Variants in KAZN observed in about 807,000 individuals in gnomAD.
KAZN encodes kazrin.
In KAZN, 40 loss-of-function variants were observed where a neutral mutation model predicts 87.4. That is an observed-to-expected ratio of 0.46 (90% CI 0.36 to 0.60). The LOEUF (loss-of-function observed/expected upper bound fraction) is 0.60, where lower values mean the gene tolerates loss of function less well. KAZN is among the 20% of genes least tolerant of loss of function. The probability of loss-of-function intolerance (pLI) is 0.00; values close to 1 mark genes in which losing one functional copy is unlikely to be tolerated. For synonymous variants in KAZN, 466 were observed against 458.3 expected (o/e 1.02, Z -0.22); for missense variants, 898 against 1,073.9 (o/e 0.84, Z 2.29).
intron 1 of KAZN, among the ~76,000 whole-genome samples, chr1:14,082,117 C>T (rs1004550078): frequency 6.6e-6 from 1 of 152,082 alleles, no homozygotes. Context: ...GCTGCCTGGC[C>T]ACCAAACGTT....
rs117406261 is a variant in KAZN at position 14,589,177 on chromosome 1, T to A, written c.250-9806T>A. ...AGTACCTACCATCTTGCTACCAAGATGGCTGAGGATATGATCAAAAGCAAA... is the reference window on the plus strand; with the variant it reads ...AGTACCTACCATCTTGCTACCAAGAAGGCTGAGGATATGATCAAAAGCAAA... On this transcript the variant is annotated intron_variant, in intron 2 of 16. Coordinates refer to the KAZN transcript ENST00000636203. Among the ~76,000 whole-genome samples, 447 of 152,322 alleles carry A rather than the reference T, an allele frequency of 2.9e-3. 20 individuals carry two copies. The East Asian group carries it at 0.069, about 23-fold the overall frequency.
intron 1 of KAZN, among the ~76,000 whole-genome samples, chr1:14,180,064 G>A (rs761950764): frequency 9.9e-5 from 15 of 152,104 alleles, no homozygotes; most frequent in Non-Finnish European, 1.9e-4. Context: ...CTCATGCCCC[G>A]TTAATTTCTG....
intron 2 of KAZN, among the ~76,000 whole-genome samples, chr1:14,562,964 G>A (rs1184480433): frequency 2.6e-5 from 4 of 152,220 alleles, no homozygotes; most frequent in African/African-American, 7.2e-5. Flanking sequence ...GGAAGACAGC[G>A]TTGTGGATCA....
intron 1 of KAZN, among the ~76,000 whole-genome samples, chr1:14,674,178 C>T (rs1572192307): frequency 6.6e-6 from 1 of 152,196 alleles, no homozygotes; most frequent in Non-Finnish European, 1.5e-5. Flanking sequence ...TTATTTCTGA[C>T]TCTGATCTTC....
intron 1 of KAZN, among the ~76,000 whole-genome samples, chr1:14,761,737 A>C (rs1226533791): frequency 6.6e-6 from 1 of 152,114 alleles, no homozygotes; most frequent in African/African-American, 2.4e-5. Flanking sequence ...AGCAACCCTC[A>C]CTTTTCTTTT....
chr1:13,949,799 A>G (rs1379837565), intron 1 of KAZN, among the ~76,000 whole-genome samples: 2 of 152,176 alleles, frequency 1.3e-5, no homozygotes, highest in African/African-American at 4.8e-5. Flanking sequence ...CAGACCCCAA[A>G]GCCCCATTCT....
At chr1:14,253,398 G>C (rs1265099538) in intron 2 of KAZN, among the ~76,000 whole-genome samples, 1 of 152,196 alleles carries the variant, frequency 6.6e-6, no homozygotes, top group Non-Finnish European at 1.5e-5. Flanking sequence ...ACAGTGAAGT[G>C]TTCATCACAT....
chr1:14,164,174 C>G (rs1365844757), intron 1 of KAZN, among the ~76,000 whole-genome samples: 1 of 152,170 alleles, frequency 6.6e-6, no homozygotes, highest in Non-Finnish European at 1.5e-5. Context: ...CCTTTATTAT[C>G]TTTTAGTTTC....
At chr1:14,987,751 C>T (rs1221802362) in intron 2 of KAZN, among the ~76,000 whole-genome samples, 3 of 152,146 alleles carry the variant, frequency 2.0e-5, no homozygotes, top group Admixed American at 6.5e-5. Context: ...TTGTGATCCA[C>T]GTGGAAGGAT....
At chr1:14,175,634 G>T (rs957822247) in intron 1 of KAZN, among the ~76,000 whole-genome samples, 8 of 152,210 alleles carry the variant, frequency 5.3e-5, no homozygotes, top group Admixed American at 2.6e-4. Flanking sequence ...AGTTGTAATA[G>T]ATGCAGTTTG....
At chr1:14,626,987 G>A (rs1319217137) in intron 1 of KAZN, among the ~76,000 whole-genome samples, 4 of 151,970 alleles carry the variant, frequency 2.6e-5, no homozygotes, top group South Asian at 2.1e-4. Flanking sequence ...CAGGACACTC[G>A]GTAAATATTT....
chr1:13,913,855 A>C (rs12122426), intron 1 of KAZN, among the ~76,000 whole-genome samples: 30,571 of 152,138 alleles, frequency 0.2, 3,440 homozygotes, highest in Non-Finnish European at 0.26. Flanking sequence ...AACAAGGATC[A>C]CCAGAGTTCC....
At chr1:14,193,301 CTT>C (rs1335831448) in intron 2 of KAZN, among the ~76,000 whole-genome samples, 5 of 152,034 alleles carry the variant, frequency 3.3e-5, no homozygotes, top group Non-Finnish European at 7.4e-5. Context: ...ACACTGGTGT[CTT>C]TATAAAAAGG....
At chr1:15,068,194 T>A in intron 8 of KAZN, 1 of 647,256 alleles carries the variant, frequency 1.5e-6, no homozygotes, top group Non-Finnish European at 1.9e-6. Context: ...TGGCTCCGGG[T>A]GGGAGGCTCT....
chr1:14,405,606 A>ATGTGTGTGTGTGTGTG (rs111850452), intron 2 of KAZN, among the ~76,000 whole-genome samples: 32 of 136,326 alleles, frequency 2.3e-4, no homozygotes, highest in East Asian at 6.9e-4. Context: ...ACCCAATAAA[A>ATGTGTGTGTGTGTGTG]TGTGTGTGTG....
At chr1:14,622,928 T>TTAA (rs1434417144) in intron 1 of KAZN, among the ~76,000 whole-genome samples, 1 of 149,808 alleles carries the variant, frequency 6.7e-6, no homozygotes, top group African/African-American at 2.5e-5. Flanking sequence ...GTTCTTAATT[T>TTAA]TTTTTTTTTT....
At chr1:14,006,183 T>C (rs1011544016) in intron 1 of KAZN, among the ~76,000 whole-genome samples, 2 of 152,216 alleles carry the variant, frequency 1.3e-5, no homozygotes, top group Non-Finnish European at 2.9e-5. Context: ...TATTTTTGCT[T>C]TGTTGCCTGT....
rs570282059 is a variant in KAZN at position 14,802,471 on chromosome 1, G to A, written c.227-158213G>A. On this transcript the variant is annotated intron_variant, in intron 1 of 14. Transcript: ENST00000376030. ...GGGACACTGGGCAATACCTGGAGAT[G>A]TGTCTGGTTGGCACAACTGGTATGG... is the stretch of plus-strand genomic sequence containing the variant. Among the ~76,000 whole-genome samples the A allele has an allele frequency of 1.4e-4, 21 of 151,912 alleles. No homozygotes were observed. In the South Asian group the frequency reaches 4.4e-3, roughly 32 times the overall value.
chr1:13,992,421 C>T (rs1639326966), intron 1 of KAZN, among the ~76,000 whole-genome samples: 1 of 152,150 alleles, frequency 6.6e-6, no homozygotes, highest in East Asian at 1.9e-4. Context: ...CTTTTGCTGT[C>T]ACTTCTTAGT....
Sources: allele counts gnomAD v4.1 joint callset (sites outside exome capture counted in the v4.1 genomes callset), GRCh38; gene constraint gnomAD v4.1.1; transcripts MANE v1.5; gene names NCBI Gene and HGNC (gene_info 2026-07-23, HGNC 2026-07-21).